The following GPC5 variants were observed in gnomAD, a reference collection of about 807,000 sequenced individuals.
GPC5 encodes the protein glypican 5, also known as glypican-5.
A neutral mutation model predicts 53.9 loss-of-function variants in GPC5; 47 were observed. The ratio of observed to expected loss-of-function variants is 0.87; its 90% confidence interval spans 0.69 to 1.11. The LOEUF is 1.11. Ranked by LOEUF, GPC5 falls within the 50% of genes most tolerant of loss-of-function variation. The probability of loss-of-function intolerance (pLI) is 0.00; values close to 1 mark genes in which losing one functional copy is unlikely to be tolerated. For synonymous variants in GPC5, 286 were observed against 263.3 expected, an observed-to-expected ratio of 1.09 and a Z score of -0.84; for missense variants, 748 against 713.1, an observed-to-expected ratio of 1.05 and a Z score of -0.56.
In GPC5 at chr13:91,813,351, A is replaced by T. The variant is rs2038343655; in HGVS notation, c.1280+56931A>T. Among the ~76,000 whole-genome samples the T allele has an allele frequency of 2.0e-5, 3 of 152,172 alleles. No individual in the cohort carries two copies. In the South Asian group the frequency reaches 6.2e-4, roughly 31 times the overall value. Reference sequence around the variant, plus strand: ...CTCTGAGGGGAGCTTTGTACCTTTGAAATTTTCACGAGCTTTTGACTAGCT... The same window carrying T: ...CTCTGAGGGGAGCTTTGTACCTTTGTAATTTTCACGAGCTTTTGACTAGCT... On this transcript the variant is annotated intron_variant, in intron 5 of 7. Coordinates refer to ENST00000377067, the MANE Select transcript of GPC5 (RefSeq NM_004466.6).
chr13:91,804,528 A>T (rs2038189258), intron 5 of GPC5, among the ~76,000 whole-genome samples: 1 of 152,202 alleles, frequency 6.6e-6, no homozygotes, highest in African/African-American at 2.4e-5. Context: ...TATTTAACTG[A>T]TGCACGCTTT....
At chr13:92,162,347 G>T (rs1044104141) in intron 7 of GPC5, among the ~76,000 whole-genome samples, 1 of 152,018 alleles carries the variant, frequency 6.6e-6, no homozygotes, top group Non-Finnish European at 1.5e-5. Flanking sequence ...CTTAATTGGT[G>T]CTAGTCACCA....
At chr13:91,947,423 A>C (rs2139053804) in intron 6 of GPC5, among the ~76,000 whole-genome samples, 1 of 152,166 alleles carries the variant, frequency 6.6e-6, no homozygotes, top group Non-Finnish European at 1.5e-5. Flanking sequence ...CTTATGTACA[A>C]CCAGTATATT....
chr13:92,398,384 C>G lies in GPC5; in HGVS notation c.1561+253395C>G, dbSNP rs867955767. On this transcript the variant is annotated intron_variant, in intron 7 of 7. Coordinates refer to ENST00000377067, the MANE Select transcript of GPC5 (RefSeq NM_004466.6). ...GCGGAGCTTGCAGTGAGCCGAGATC[C>G]CGCCACTGCACTCCAGCCTGGGCGA... Among the ~76,000 whole-genome samples, 73 of 138,932 alleles carry G rather than the reference C, an allele frequency of 5.3e-4. 1 individual carries two copies. The highest frequency in any genetic ancestry group is 3.9e-3 in the Middle Eastern group (1 of 254). The allele number at this position is 138,932 out of a possible 152,430, so 91.1% of individuals were successfully genotyped here. A position where few individuals can be genotyped will look rare whatever the true frequency, so the allele number is the denominator to read the frequency against.
chr13:92,445,246 T>TC (rs1877751916), intron 7 of GPC5, among the ~76,000 whole-genome samples: 1 of 131,534 alleles, frequency 7.6e-6, no homozygotes, highest in African/African-American at 3.1e-5. Context: ...GTTCCTTTCC[T>TC]TTCTCTCTCT....
intron 7 of GPC5, among the ~76,000 whole-genome samples, chr13:92,393,980 T>C (rs1875142061): frequency 6.6e-6 from 1 of 152,174 alleles, no homozygotes; most frequent in African/African-American, 2.4e-5. Context: ...AAAACGTATG[T>C]AGTAGAGGCT....
At chr13:91,819,326 A>T (rs1175787041) in intron 5 of GPC5, among the ~76,000 whole-genome samples, 1 of 151,332 alleles carries the variant, frequency 6.6e-6, no homozygotes, top group East Asian at 1.9e-4. Flanking sequence ...CGCCCAGCTA[A>T]TTTTTTGTAT....
At chr13:92,659,028 ACGCCATT>A (rs1886242971) in intron 7 of GPC5, 1 of 136,298 alleles carries the variant, frequency 7.3e-6, no homozygotes, top group South Asian at 2.3e-4. Context: ...TCCCGGGTTC[ACGCCATT>A]CTCCTGCCTC....
rs550164846 is a variant in GPC5, at chr13:92,694,199, G to A, written c.1562-172083G>A. On this transcript the variant is annotated intron_variant, in intron 7 of 7. Coordinates refer to ENST00000377067, the MANE Select transcript of GPC5 (RefSeq NM_004466.6). ...AGGCAGAAGTCTGCTGCAGAGGCAG[G>A]GCCCTCATGGAGAACCTCTACTAGG... Among the ~76,000 whole-genome samples, 12 of 152,286 alleles carry A rather than the reference G, an allele frequency of 7.9e-5. No individual in the cohort carries two copies. In the East Asian group the frequency reaches 2.3e-3, roughly 29 times the overall value.
intron 6 of GPC5, among the ~76,000 whole-genome samples, chr13:92,094,086 A>G (rs2041401715): frequency 6.6e-6 from 1 of 152,182 alleles, no homozygotes; most frequent in Admixed American, 6.5e-5. Context: ...TTTTCATTAG[A>G]TACTGTTTTT....
At chr13:91,849,581 G>A (rs1319343020) in intron 5 of GPC5, among the ~76,000 whole-genome samples, 4 of 151,762 alleles carry the variant, frequency 2.6e-5, no homozygotes, top group African/African-American at 9.7e-5. Context: ...GAGTCTTACC[G>A]GCTTACTGAA....
At chr13:92,607,680 A>G (rs997956400) in intron 7 of GPC5, among the ~76,000 whole-genome samples, 5 of 152,206 alleles carry the variant, frequency 3.3e-5, no homozygotes, top group Non-Finnish European at 7.3e-5. Flanking sequence ...TATATTTTGT[A>G]CATTATGTTT....
At chr13:92,453,050 T>C (rs991845616) in intron 7 of GPC5, among the ~76,000 whole-genome samples, 2 of 152,178 alleles carry the variant, frequency 1.3e-5, no homozygotes, top group Non-Finnish European at 2.9e-5. Context: ...GGAACTGTGA[T>C]TGCAATACCA....
intron 7 of GPC5, among the ~76,000 whole-genome samples, chr13:92,699,470 C>G (rs1186671642): frequency 1.3e-5 from 2 of 152,004 alleles, no homozygotes; most frequent in Non-Finnish European, 2.9e-5. Flanking sequence ...CTTCTGCTAG[C>G]TTTTGAATTT....
At chr13:91,445,764 C>T (rs1880758982) in intron 1 of GPC5, among the ~76,000 whole-genome samples, 2 of 152,182 alleles carry the variant, frequency 1.3e-5, no homozygotes, top group Admixed American at 1.3e-4. Flanking sequence ...CATGAGCCAC[C>T]ATGCCCAAGC....
At chr13:92,803,679 C>A (rs1191655913) in intron 7 of GPC5, among the ~76,000 whole-genome samples, 1 of 151,736 alleles carries the variant, frequency 6.6e-6, no homozygotes, top group Non-Finnish European at 1.5e-5. Flanking sequence ...GTTTTATTTT[C>A]CATTCTTTTG....
chr13:91,927,263 A>G (rs2039777889), intron 6 of GPC5, among the ~76,000 whole-genome samples: 1 of 152,198 alleles, frequency 6.6e-6, no homozygotes, highest in African/African-American at 2.4e-5. Context: ...ACGTAATTAT[A>G]ACATTATCAG....
At chr13:92,397,508 G>C (rs543804802) in intron 7 of GPC5, among the ~76,000 whole-genome samples, 1 of 152,308 alleles carries the variant, frequency 6.6e-6, no homozygotes, top group Admixed American at 6.5e-5. Context: ...TTTATTAGCA[G>C]CGTGAAAACG....
chr13:92,206,158 T>G (rs1233547418), intron 7 of GPC5, among the ~76,000 whole-genome samples: 3 of 58,084 alleles, frequency 5.2e-5, no homozygotes, highest in Non-Finnish European at 9.9e-5. Context: ...TTTTTTTATT[T>G]TTTTTTTTAT....
Sources: allele counts gnomAD v4.1 joint callset (sites outside exome capture counted in the v4.1 genomes callset), GRCh38; gene constraint gnomAD v4.1.1; transcripts MANE v1.5; gene names NCBI Gene and HGNC (gene_info 2026-07-23, HGNC 2026-07-21).